Variants in PTK2 observed in about 807,000 individuals in gnomAD.
PTK2 encodes the protein focal adhesion kinase 1.
Under a neutral mutation model 150.1 loss-of-function variants are expected in PTK2, and 45 were observed. The ratio of observed to expected loss-of-function variants is 0.30; its 90% CI spans 0.24 to 0.38. PTK2 has a LOEUF of 0.38. PTK2 is among the 10% of genes least tolerant of loss of function. The pLI is 1.00. For missense variants in PTK2, 919 were observed against 1,307.3 expected (o/e 0.70, Z 4.58); for synonymous variants, 432 against 449.2 (o/e 0.96, Z 0.48).
chr8:140,873,399 CTTA>C (rs1040356005), intron 4 of PTK2, among the ~76,000 whole-genome samples: 39 of 152,252 alleles, frequency 2.6e-4, no homozygotes, highest in African/African-American at 9.4e-4. Flanking sequence ...ATTGGCCAAA[CTTA>C]TTTTCTCTTT....
intron 1 of PTK2, among the ~76,000 whole-genome samples, chr8:140,926,086 C>T (rs1264068190): frequency 6.6e-6 from 1 of 152,134 alleles, no homozygotes; most frequent in African/African-American, 2.4e-5. Context: ...TTCACAATAT[C>T]GCAGAACTTC....
At chr8:140,845,257 A>G (rs940554058) in intron 7 of PTK2, among the ~76,000 whole-genome samples, 1 of 151,984 alleles carries the variant, frequency 6.6e-6, no homozygotes, top group African/African-American at 2.4e-5. Context: ...CCAAGTCCAG[A>G]CTCTTTGAAG....
intron 3 of PTK2, among the ~76,000 whole-genome samples, chr8:140,880,741 T>A (rs532612453): frequency 1.3e-5 from 2 of 152,328 alleles, no homozygotes; most frequent in East Asian, 3.9e-4. Context: ...AAGGATATTA[T>A]CCCCAGCCTT....
chr8:140,717,837 C>T, intron 22 of PTK2, 128 bp from the exon 26 acceptor site: 1 of 682,620 alleles, frequency 1.5e-6, no homozygotes, highest in South Asian at 1.7e-5. Context: ...GGATCCTATA[C>T]ACAGGGGAAA....
intron 23 of PTK2, among the ~76,000 whole-genome samples, chr8:140,716,889 G>A (rs116198105): frequency 3.3e-5 from 5 of 152,268 alleles, no homozygotes; most frequent in East Asian, 1.9e-4. Context: ...CCTGTCAAAA[G>A]CCAATGGTAT....
At chr8:140,983,264 G>C (rs1008599359) in intron 1 of PTK2, among the ~76,000 whole-genome samples, 1 of 150,042 alleles carries the variant, frequency 6.7e-6, no homozygotes, top group Non-Finnish European at 1.5e-5. Context: ...ACAGGTGCCT[G>C]TAATCCCAGC....
intron 29 of PTK2, 168 bp from the exon 33 acceptor site, chr8:140,669,903 C>CCACACCCTGGCAA: frequency 1.3e-6 from 1 of 746,536 alleles, no homozygotes; most frequent in Non-Finnish European, 2.2e-6. Context: ...CTCACTGTTG[C>CCACACCCTGGCAA]CAGGGTGTGG....
At chr8:140,971,478 A>T (rs537109914) in intron 1 of PTK2, among the ~76,000 whole-genome samples, 1 of 152,322 alleles carries the variant, frequency 6.6e-6, no homozygotes, top group East Asian at 1.9e-4. Context: ...GTTTTATTCT[A>T]ACTTTATGAC....
chr8:140,743,967 T>C (rs1469931935), intron 19 of PTK2, among the ~76,000 whole-genome samples: 1 of 151,952 alleles, frequency 6.6e-6, no homozygotes, highest in Non-Finnish European at 1.5e-5. Context: ...TTAGTAGAGA[T>C]GGTGTTTCAC....
At chr8:140,662,064 G>A (rs1287683422) in intron 31 of PTK2, among the ~76,000 whole-genome samples, 1 of 152,186 alleles carries the variant, frequency 6.6e-6, no homozygotes, top group South Asian at 2.1e-4. Context: ...TTGGGAGACC[G>A]AGGTAGGAGG....
rs377419324 is a variant in PTK2, at chr8:140,803,528, G to A, written c.975+15C>T. The A allele has an allele frequency of 6.4e-4, 1,018 of 1,581,082 alleles. 1 individual carries two copies. Among genetic ancestry groups the A allele is most frequent in the Non-Finnish European group, 8.1e-4 (926 of 1,150,158 alleles). ...TAACCATTTTCCCTTAATGATGAAC[G>A]TAACAGTTCCTTACCTCGGGTGCAC... On this transcript the variant is annotated intron_variant, in intron 11 of 31. Transcript: ENST00000522684.
intron 7 of PTK2, among the ~76,000 whole-genome samples, chr8:140,842,394 A>C (rs2100122872): frequency 6.6e-6 from 1 of 152,056 alleles, no homozygotes; most frequent in Non-Finnish European, 1.5e-5. Flanking sequence ...ATTGACAATC[A>C]ATATCTCCCA....
intron 1 of PTK2, among the ~76,000 whole-genome samples, chr8:140,969,441 G>T (rs2100186461): frequency 6.6e-6 from 1 of 152,116 alleles, no homozygotes; most frequent in African/African-American, 2.4e-5. Context: ...CTCTCCACCA[G>T]AACTTCTCTA....
chr8:140,886,714 T>G lies in PTK2; in HGVS notation c.195+3829A>C, dbSNP rs545359914. On this transcript the variant is annotated intron_variant, in intron 3 of 31. Coordinates refer to ENST00000522684, the Ensembl canonical transcript of PTK2. ...CTCTGCAGATACCTTCATTTCACAT[T>G]ATCTTGATTAATAATTTATCTGATA... Among the ~76,000 whole-genome samples the G allele has an allele frequency of 7.2e-5, 11 of 152,352 alleles. No individual in the cohort carries two copies. The South Asian group carries it at 2.3e-3, about 32-fold the overall frequency.
exon 32 of PTK2, chr8:140,659,206 T>G: frequency 4.0e-6 from 2 of 498,988 alleles, no homozygotes; most frequent in Non-Finnish European, 7.1e-6. Context: ...TTACATATAA[T>G]TTTCATTCTT....
chr8:140,780,966 A>G (rs1373192357), intron 14 of PTK2, among the ~76,000 whole-genome samples: 1 of 152,188 alleles, frequency 6.6e-6, no homozygotes, highest in Non-Finnish European at 1.5e-5. Flanking sequence ...ATTTTCCATA[A>G]AAAGTTTTAA....
chr8:140,735,633 T>C (rs2100052174), intron 21 of PTK2, among the ~76,000 whole-genome samples, 178 bp from the exon 25 acceptor site: 1 of 152,216 alleles, frequency 6.6e-6, no homozygotes, highest in Non-Finnish European at 1.5e-5. Context: ...TTTAACATGA[T>C]GTAAATAATG....
chr8:140,903,209 T>A (rs2100159482), intron 2 of PTK2, among the ~76,000 whole-genome samples: 1 of 152,140 alleles, frequency 6.6e-6, no homozygotes, highest in Admixed American at 6.5e-5. Flanking sequence ...GCTAGCCAGT[T>A]TTCCCAGCAC....
intron 3 of PTK2, 96 bp downstream of exon 3, chr8:140,890,447 G>A (rs2100153842): frequency 9.5e-7 from 1 of 1,058,014 alleles, no homozygotes; most frequent in African/African-American, 1.6e-5. Context: ...TCCCCGATAA[G>A]TTAAATAAAA....
Sources: gnomAD v4.1 joint callset for allele counts (sites outside exome capture counted in the v4.1 genomes callset) on GRCh38, gnomAD v4.1.1 for gene constraint, MANE v1.5 for transcripts, NCBI Gene and HGNC (gene_info 2026-07-23, HGNC 2026-07-21) for gene names.